FAM53A: variants seen among roughly 807,000 people sequenced by gnomAD.
The protein encoded by FAM53A is protein FAM53A.
In FAM53A, 28 loss-of-function variants were observed where a neutral mutation model predicts 26.6. The observed-to-expected ratio is 1.05, with a 90% CI of 0.78 to 1.45. The LOEUF is 1.45. FAM53A is among the 40% of genes most tolerant of loss of function. FAM53A has a pLI of 0.00. For synonymous variants in FAM53A, 290 were observed against 253.1 expected, an observed-to-expected ratio of 1.15 and a Z score of -1.38; for missense variants, 650 against 575.8, an observed-to-expected ratio of 1.13 and a Z score of -1.32.
At chr4:1,580,666 C>G in the FAM53A span, among the ~76,000 whole-genome samples, 1 of 144,374 alleles carries the variant, frequency 6.9e-6, no homozygotes, top group South Asian at 2.2e-4. Context: ...CCGCCCAGGC[C>G]ACGCCTCCCA....
chr4:1,609,919 C>T, the FAM53A span, among the ~76,000 whole-genome samples: 68 of 152,152 alleles, frequency 4.5e-4, 1 homozygote, highest in Non-Finnish European at 6.0e-4. Context: ...GCCGAGATCG[C>T]GCCACTGCAC....
chr4:1,660,655 G>A (rs1385833708), intron 2 of FAM53A, among the ~76,000 whole-genome samples: 1 of 152,240 alleles, frequency 6.6e-6, no homozygotes, highest in South Asian at 2.1e-4. Flanking sequence ...TTGGGAGGCC[G>A]ACACAGGCAG....
the FAM53A span, among the ~76,000 whole-genome samples, chr4:1,604,127 G>A: frequency 6.6e-6 from 1 of 152,208 alleles, no homozygotes; most frequent in Non-Finnish European, 1.5e-5. Flanking sequence ...TAAACATTTG[G>A]GGTGGACAGG....
At chr4:1,583,004 T>C in the FAM53A span, among the ~76,000 whole-genome samples, 4 of 152,206 alleles carry the variant, frequency 2.6e-5, no homozygotes, top group Non-Finnish European at 4.4e-5. Flanking sequence ...AGAATTAACA[T>C]CCTGTCAAGA....
At chr4:1,615,570 G>A (rs1434844820), downstream of FAM53A, among the ~76,000 whole-genome samples, 2 of 139,294 alleles carry the variant, frequency 1.4e-5, no homozygotes, top group Non-Finnish European at 1.5e-5. Flanking sequence ...ATGCGGCCAC[G>A]CCCACCTCAC....
At chr4:1,635,273 GGTTTT>G (rs150531415), downstream of FAM53A, among the ~76,000 whole-genome samples, 2,043 of 152,138 alleles carry the variant, frequency 0.013, 44 homozygotes, top group African/African-American at 0.046. Flanking sequence ...TTCATTTCTG[GGTTTT>G]GTTTTGTTTT....
At chr4:1,662,484 A>C (rs1157715375) in intron 2 of FAM53A, among the ~76,000 whole-genome samples, 1 of 128,186 alleles carries the variant, frequency 7.8e-6, no homozygotes, top group Admixed American at 7.8e-5. Context: ...CATCACAAAA[A>C]AAAAAAAAAA....
At position 1,640,639 on chromosome 4, in the gene FAM53A, G is replaced by T. The variant is rs1045222369; in HGVS notation, c.*654C>A. The T allele has an allele frequency of 9.0e-5, 34 of 376,998 alleles. 1 individual carries two copies. Among genetic ancestry groups the T allele is most frequent in the African/African-American group, 5.9e-4 (26 of 44,340 alleles). The allele number at this position is 376,998 out of a possible 1,614,324, so 23.4% of individuals were successfully genotyped here. A position where few individuals can be genotyped will look rare whatever the true frequency, so the allele number is the denominator to read the frequency against. On this transcript the variant is annotated 3_prime_UTR_variant, in exon 5 of 5. Coordinates refer to ENST00000308132, the MANE Select transcript of FAM53A (RefSeq NM_001174070.3). ...AAACCTACTCTGTGCCCCAGGGCAG[G>T]TGCCGGCAGCAGCCATGGCCCCGAC...
At chr4:1,575,111 C>T in the FAM53A span, among the ~76,000 whole-genome samples, 1 of 152,168 alleles carries the variant, frequency 6.6e-6, no homozygotes, top group Non-Finnish European at 1.5e-5. Context: ...CCCTGAGTGC[C>T]CACTGCCTGC....
chr4:1,633,734 G>C (rs1219769503), intron 1 of FAM53A, among the ~76,000 whole-genome samples: 1 of 151,572 alleles, frequency 6.6e-6, no homozygotes, highest in African/African-American at 2.4e-5. Flanking sequence ...GGACCGAGAG[G>C]GGATCAGAGC....
At chr4:1,592,876 C>T in the FAM53A span, among the ~76,000 whole-genome samples, 3 of 152,170 alleles carry the variant, frequency 2.0e-5, no homozygotes, top group African/African-American at 7.2e-5. Flanking sequence ...GACACGGGCC[C>T]CGCAGGAGGG....
intron 1 of FAM53A, among the ~76,000 whole-genome samples, chr4:1,622,265 G>T (rs1182304903): frequency 6.6e-6 from 1 of 152,204 alleles, no homozygotes; most frequent in Non-Finnish European, 1.5e-5. Context: ...CCAGCGTGAC[G>T]GTCAGAGTGC....
rs1381254949 is a variant in FAM53A at position 1,655,229 on chromosome 4, C to T, written c.631G>A (p.Ala211Thr). Reference protein sequence around the residue: ...SAGSGPLWCSAESCLPSTRRR... With the variant: ...SAGSGPLWCSTESCLPSTRRR... ...CTCGTGGAGGGCAAGCAGGACTCCG[C>T]GGAACACCAGAGCGGGCCTGAGCCC... Residue 211 changes from alanine to threonine, a missense_variant, in exon 4 of 5, where the codon GCG (alanine) becomes ACG (threonine). Transcript: ENST00000308132. 4.6e-6 allele frequency: 7 copies of T among 1,537,498 alleles called. No homozygotes were observed. The highest frequency in any genetic ancestry group is 1.4e-5 in the African/African-American group (1 of 71,612).
In FAM53A at chr4:1,630,694, G is replaced by A. The variant is rs906655011; in HGVS notation, c.432-12583C>T. ...AAAGGCCCGCACAGCATGATCCCAC[G>A]TCTACGAAATGCCCAGCTCCACAGA... On this transcript the variant is annotated intron_variant, in intron 1 of 1. Transcript: ENST00000489029. The surrounding 1 kb of genome is among the most constrained non-coding windows in gnomAD (Gnocchi z 4.3). Among the ~76,000 whole-genome samples, 11 of 152,074 alleles carry A rather than the reference G, an allele frequency of 7.2e-5. No individual in the cohort carries two copies. The highest frequency in any genetic ancestry group is 1.3e-4 in the Non-Finnish European group (9 of 68,024).
chr4:1,595,903 C>T, the FAM53A span, among the ~76,000 whole-genome samples: 2 of 152,214 alleles, frequency 1.3e-5, no homozygotes, highest in Non-Finnish European at 2.9e-5. Flanking sequence ...CTCTGTGGTG[C>T]AGGTGCTCAG....
the FAM53A span, among the ~76,000 whole-genome samples, chr4:1,590,989 T>TATATATATATATACACACAC: frequency 4.7e-5 from 6 of 126,818 alleles, no homozygotes; most frequent in African/African-American, 2.1e-4. Context: ...TATATATATA[T>TATATATATATATACACACAC]ATATATATAT....
chr4:1,649,336 A>G (rs1712545563), intron 4 of FAM53A, among the ~76,000 whole-genome samples: 2 of 152,228 alleles, frequency 1.3e-5, no homozygotes. Context: ...GTGGCCAACC[A>G]AAGTCCAGCA....
chr4:1,580,376 C>A, the FAM53A span: 1 of 152,252 alleles, frequency 6.6e-6, no homozygotes, highest in African/African-American at 2.4e-5. Context: ...CGCGGGCCAC[C>A]AGTGTGGCCA....
At chr4:1,625,610 A>G (rs55659177) in intron 1 of FAM53A, among the ~76,000 whole-genome samples, 1,094 of 42,830 alleles carry the variant, frequency 0.026, 92 homozygotes, top group African/African-American at 0.09. Flanking sequence ...CCATGTCCCG[A>G]CCCACGTGGT....
Sources: gnomAD v4.1 joint callset for allele counts (sites outside exome capture counted in the v4.1 genomes callset) on GRCh38, gnomAD v4.1.1 for gene constraint, Gnocchi (gnomAD v3.1) non-coding constraint, MANE v1.5 for transcripts, NCBI Gene and HGNC (gene_info 2026-07-23, HGNC 2026-07-21) for gene names.